COPG2: variants seen among roughly 807,000 people sequenced by gnomAD.
COPG2 encodes the protein coat protein complex I subunit gamma 2, also known as coatomer subunit gamma-2.
A neutral mutation model predicts 46.3 loss-of-function variants in COPG2; 37 were observed. That is an observed-to-expected ratio of 0.80 (90% CI 0.61 to 1.05). COPG2 has a LOEUF of 1.05. Ranked by LOEUF, COPG2 falls within the 50% of genes least tolerant of loss-of-function variation. COPG2 has a pLI of 0.00. For missense variants in COPG2, 427 were observed against 387.8 expected (o/e 1.10, Z -0.85); for synonymous variants, 159 against 129.7 (o/e 1.23, Z -1.53).
At chr7:130,547,943 C>T (rs1793472100) in intron 19 of COPG2, 98 bp from the exon 20 acceptor site, 1 of 397,744 alleles carries the variant, frequency 2.5e-6, no homozygotes, top group African/African-American at 2.1e-5. Flanking sequence ...TACCTTCTAT[C>T]TCTACAGAGC....
At chr7:130,538,751 AG>A (rs1799908797) in intron 20 of COPG2, among the ~76,000 whole-genome samples, 2 of 152,042 alleles carry the variant, frequency 1.3e-5, no homozygotes, top group African/African-American at 2.4e-5. Flanking sequence ...CAAGTGTTAG[AG>A]GGAACTAATG....
chr7:130,586,838 T>C (rs1794282880), intron 9 of COPG2, among the ~76,000 whole-genome samples: 1 of 152,022 alleles, frequency 6.6e-6, no homozygotes, highest in Admixed American at 6.6e-5. Context: ...TATCTATAAG[T>C]GGCACCAAAA....
At chr7:130,642,063 A>G (rs1795500912) in intron 5 of COPG2, among the ~76,000 whole-genome samples, 1 of 151,870 alleles carries the variant, frequency 6.6e-6, no homozygotes, top group Non-Finnish European at 1.5e-5. Flanking sequence ...AGAATTCTCA[A>G]TTCTCTCAAT....
chr7:130,618,754 A>AT (rs1229600183), intron 5 of COPG2, among the ~76,000 whole-genome samples: 3 of 152,164 alleles, frequency 2.0e-5, no homozygotes, highest in South Asian at 4.1e-4. Context: ...TTCTATTTAC[A>AT]TTTTTTGTGA....
rs367576648 is a variant in COPG2, at chr7:130,652,887, A to G, written c.305T>C (p.Val102Ala). The change falls in exon 5 of 24, where the codon GTG (valine) becomes GCG (alanine). Residue 102 changes from valine to alanine, a missense_variant. By Grantham distance (64) the Val-to-Ala change is moderately conservative. Transcript: ENST00000425248. Reference protein sequence around the residue: ...IKEMATISEDVIIVTSSLTKD... With the variant: ...IKEMATISEDAIIVTSSLTKD... ...TACATACCTGCTTGTGACAATTATC[A>G]CATCCTCAGAGATGGTAGCCATTTC... The G allele has an allele frequency of 1.1e-5, 18 of 1,604,208 alleles. No homozygotes were observed. Among genetic ancestry groups the G allele is most frequent in the Non-Finnish European group, 1.4e-5 (17 of 1,173,754 alleles).
At chr7:130,523,558 G>T (rs1044787143) in intron 20 of COPG2, among the ~76,000 whole-genome samples, 5 of 152,114 alleles carry the variant, frequency 3.3e-5, no homozygotes, top group African/African-American at 7.2e-5. Flanking sequence ...TGTCAGGTGT[G>T]GGAACACAGT....
At chr7:130,588,524 T>C (rs566347228) in intron 9 of COPG2, among the ~76,000 whole-genome samples, 22 of 152,262 alleles carry the variant, frequency 1.4e-4, no homozygotes, top group Admixed American at 9.2e-4. Context: ...GAAATCATCA[T>C]TCTCAGCAAA....
intron 20 of COPG2, among the ~76,000 whole-genome samples, chr7:130,521,303 T>G (rs1233249326): frequency 6.6e-6 from 1 of 152,120 alleles, no homozygotes; most frequent in African/African-American, 2.4e-5. Context: ...ACAGAAAGAT[T>G]AGCAACACAT....
chr7:130,545,958 G>A (rs1011696576), intron 20 of COPG2, among the ~76,000 whole-genome samples: 109 of 152,118 alleles, frequency 7.2e-4, no homozygotes, highest in Non-Finnish European at 1.1e-3. Flanking sequence ...CTTAGATTCC[G>A]TTAAGAATAC....
At chr7:130,532,525 G>T (rs1325148707) in intron 20 of COPG2, among the ~76,000 whole-genome samples, 1 of 152,116 alleles carries the variant, frequency 6.6e-6, no homozygotes, top group African/African-American at 2.4e-5. Context: ...GGCAGGGCAG[G>T]AGAGTCAGGT....
At chr7:130,545,142 C>T (rs2116376910) in intron 20 of COPG2, among the ~76,000 whole-genome samples, 1 of 151,438 alleles carries the variant, frequency 6.6e-6, no homozygotes, top group South Asian at 2.1e-4. Context: ...TTCTATGTGT[C>T]TGGCACCATG....
intron 7 of COPG2, 69 bp from the exon 8 acceptor site, chr7:130,612,307 G>T: frequency 1.0e-6 from 1 of 970,926 alleles, no homozygotes; most frequent in Non-Finnish European, 1.5e-6. Context: ...ACATGAGTTA[G>T]TTTTCTTTGA....
At chr7:130,507,518 C>A in intron 22 of COPG2, 146 bp from the exon 23 acceptor site, 1 of 671,032 alleles carries the variant, frequency 1.5e-6, no homozygotes, top group Non-Finnish European at 2.7e-6. Context: ...TACTACTGGA[C>A]TAGAAAATGG....
intron 20 of COPG2, among the ~76,000 whole-genome samples, chr7:130,515,949 GAGGGGTCACTGTTC>G (rs1799674624): frequency 6.6e-6 from 1 of 151,994 alleles, no homozygotes; most frequent in African/African-American, 2.4e-5. Context: ...TTGAGGTTAT[GAGGGGTCACTGTTC>G]AGGAAGCTGT....
At chr7:130,586,832 T>C (rs1278056386) in intron 9 of COPG2, among the ~76,000 whole-genome samples, 1 of 152,004 alleles carries the variant, frequency 6.6e-6, no homozygotes, top group Non-Finnish European at 1.5e-5. Context: ...CCTTCCTATC[T>C]ATAAGTGGCA....
intron 9 of COPG2, among the ~76,000 whole-genome samples, chr7:130,589,843 C>T (rs1245594947): frequency 1.3e-5 from 2 of 152,002 alleles, no homozygotes; most frequent in Non-Finnish European, 2.9e-5. Flanking sequence ...CGCGTTAATC[C>T]CAAATTTCTC....
At chr7:130,527,823 G>T (rs994038625) in intron 20 of COPG2, among the ~76,000 whole-genome samples, 52,531 of 151,748 alleles carry the variant, frequency 0.35, 10,425 homozygotes, top group African/African-American at 0.54. Flanking sequence ...GGATGACAGC[G>T]AACAAATGGA....
chr7:130,616,657 T>C (rs1262759390), intron 6 of COPG2, among the ~76,000 whole-genome samples: 1 of 152,232 alleles, frequency 6.6e-6, no homozygotes, highest in East Asian at 1.9e-4. Context: ...CCCTGGTGTC[T>C]ACCTATAAGC....
At chr7:130,595,668 T>C (rs928056492) in intron 9 of COPG2, among the ~76,000 whole-genome samples, 1 of 152,234 alleles carries the variant, frequency 6.6e-6, no homozygotes, top group African/African-American at 2.4e-5. Context: ...CCACACTCCC[T>C]TGAGTGTGCA....
Sources: gnomAD v4.1 joint callset for allele counts (sites outside exome capture counted in the v4.1 genomes callset) on GRCh38, gnomAD v4.1.1 for gene constraint, MANE v1.5 for transcripts, NCBI Gene and HGNC (gene_info 2026-07-23, HGNC 2026-07-21) for gene names.